Variants in SNTG1 observed in about 807,000 individuals in gnomAD.
SNTG1 encodes the protein syntrophin gamma 1, also known as gamma-1-syntrophin.
SNTG1 carries 39 observed loss-of-function variants against 74.7 expected under a neutral mutation model. That is an observed-to-expected ratio of 0.52 (90% CI 0.40 to 0.68). The LOEUF (loss-of-function observed/expected upper bound fraction) is 0.68. SNTG1 is among the 30% of genes least tolerant of loss of function. SNTG1 has a pLI of 0.00. For synonymous variants in SNTG1, 254 were observed against 217.1 expected (o/e 1.17, Z -1.49); for missense variants, 685 against 609.5 (o/e 1.12, Z -1.30).
At chr8:50,419,401 C>T (rs1030858875) in intron 4 of SNTG1, among the ~76,000 whole-genome samples, 1 of 152,156 alleles carries the variant, frequency 6.6e-6, no homozygotes, top group Non-Finnish European at 1.5e-5. Flanking sequence ...TTAGGGAAAT[C>T]ATAAATGGGA....
At chr8:50,435,445 G>C (rs184646718) in intron 4 of SNTG1, among the ~76,000 whole-genome samples, 1 of 152,236 alleles carries the variant, frequency 6.6e-6, no homozygotes, top group East Asian at 1.9e-4. Context: ...TATGAGCTGA[G>C]TATTTGAAAT....
intron 2 of SNTG1, among the ~76,000 whole-genome samples, chr8:50,317,532 A>G (rs1016534112): frequency 1.4e-4 from 22 of 152,342 alleles, no homozygotes; most frequent in African/African-American, 5.0e-4. Context: ...AATAGTCAGG[A>G]ATGAGACTGA....
intron 5 of SNTG1, among the ~76,000 whole-genome samples, chr8:50,447,991 T>A (rs541623850): frequency 5.9e-5 from 9 of 152,264 alleles, no homozygotes; most frequent in Middle Eastern, 6.8e-3. Context: ...GTGTGCTAAA[T>A]AAGCACTTGA....
chr8:50,730,697 T>C (rs1362750081), intron 17 of SNTG1, among the ~76,000 whole-genome samples: 2 of 152,300 alleles, frequency 1.3e-5, no homozygotes, highest in South Asian at 4.1e-4. Flanking sequence ...ATAAAAAGAA[T>C]TTTTAATGAA....
intron 1 of SNTG1, among the ~76,000 whole-genome samples, chr8:50,119,741 A>G (rs560536284): frequency 1.4e-5 from 2 of 141,792 alleles, no homozygotes; most frequent in African/African-American, 5.1e-5. Context: ...GACAATTACT[A>G]TACCCCTATC....
intron 2 of SNTG1, among the ~76,000 whole-genome samples, chr8:50,268,338 C>CTATAG (rs2087586709): frequency 6.6e-6 from 1 of 152,134 alleles, no homozygotes; most frequent in Admixed American, 6.5e-5. Context: ...GGTGCCAATT[C>CTATAG]ATTCTCAAAT....
chr8:50,427,841 T>C (rs1190851222), intron 4 of SNTG1, among the ~76,000 whole-genome samples: 7 of 152,246 alleles, frequency 4.6e-5, no homozygotes. Context: ...ATACAATTCA[T>C]TAGATGATTT....
At chr8:50,455,214 A>T (rs959789326) in intron 8 of SNTG1, among the ~76,000 whole-genome samples, 3 of 152,360 alleles carry the variant, frequency 2.0e-5, no homozygotes, top group Admixed American at 2.0e-4. Context: ...TGAAATTTCC[A>T]TCTAATGAGA....
At chr8:50,503,509 C>G (rs1182988887) in intron 9 of SNTG1, among the ~76,000 whole-genome samples, 1 of 152,170 alleles carries the variant, frequency 6.6e-6, no homozygotes, top group African/African-American at 2.4e-5. Flanking sequence ...CCACTTCTTA[C>G]AATCATAAAA....
At chr8:49,953,996 T>C (rs1378960796) in intron 1 of SNTG1, among the ~76,000 whole-genome samples, 2 of 152,214 alleles carry the variant, frequency 1.3e-5, no homozygotes. Flanking sequence ...GAAATTCCTT[T>C]ATTTCTTTAG....
At chr8:49,934,923 T>A (rs1437543747) in intron 1 of SNTG1, among the ~76,000 whole-genome samples, 1 of 152,022 alleles carries the variant, frequency 6.6e-6, no homozygotes, top group Non-Finnish European at 1.5e-5. Context: ...CTCTTTGAAT[T>A]TGTGAGGGAA....
At chr8:50,751,502 A>G (rs556032271) in intron 17 of SNTG1, among the ~76,000 whole-genome samples, 25 of 152,184 alleles carry the variant, frequency 1.6e-4, no homozygotes, top group Non-Finnish European at 2.8e-4. Context: ...TCTACTTTCC[A>G]AGATATTACA....
intron 9 of SNTG1, among the ~76,000 whole-genome samples, chr8:50,528,805 A>T (rs983750149): frequency 1.0e-4 from 15 of 146,326 alleles, no homozygotes; most frequent in South Asian, 2.1e-4. Context: ...TTTTTTCTAA[A>T]TTTTTTTTTT....
intron 1 of SNTG1, among the ~76,000 whole-genome samples, chr8:49,916,257 A>G (rs1021417817): frequency 6.6e-6 from 1 of 152,128 alleles, no homozygotes; most frequent in South Asian, 2.1e-4. Flanking sequence ...AACTGAGAGT[A>G]AGAGGTCATT....
intron 17 of SNTG1, among the ~76,000 whole-genome samples, chr8:50,723,226 T>A (rs1412326578): frequency 6.6e-6 from 1 of 152,164 alleles, no homozygotes; most frequent in Non-Finnish European, 1.5e-5. Flanking sequence ...AGGTTTTGGG[T>A]CAAATTCCAG....
chr8:50,063,412 A>C (rs1175727337), intron 1 of SNTG1, among the ~76,000 whole-genome samples: 1 of 152,242 alleles, frequency 6.6e-6, no homozygotes, highest in Non-Finnish European at 1.5e-5. Flanking sequence ...AATTATGAAG[A>C]GAATAAAACA....
intron 17 of SNTG1, among the ~76,000 whole-genome samples, chr8:50,728,720 A>T (rs1051755069): frequency 4.6e-5 from 7 of 152,174 alleles, no homozygotes; most frequent in Non-Finnish European, 8.8e-5. Context: ...TGACAGAGCC[A>T]GGCTGTTGTA....
chr8:50,793,046 C>T lies in SNTG1; in HGVS notation c.*217C>T. On this transcript the variant is annotated 3_prime_UTR_variant, in exon 19 of 19. Coordinates refer to ENST00000642720, the MANE Select transcript of SNTG1 (RefSeq NM_018967.5). ...ACATGAACAGAACAGCTTGTTCTCA[C>T]TCAGTTGCTTTGTACCAGTAAGTGT... 2.6e-6 allele frequency: 1 copy of T among 386,070 alleles called. No homozygotes were observed. Among genetic ancestry groups the T allele is most frequent in the Non-Finnish European group, 4.5e-6 (1 of 220,328 alleles). 23.9% of individuals were successfully genotyped at this position (386,070 alleles called of 1,614,324 possible).
At chr8:50,735,819 T>C (rs1305216524) in intron 17 of SNTG1, among the ~76,000 whole-genome samples, 2 of 151,808 alleles carry the variant, frequency 1.3e-5, no homozygotes, top group African/African-American at 2.4e-5. Context: ...CACATAATCA[T>C]CAGATTAACC....
Sources: gnomAD v4.1 joint callset for allele counts (sites outside exome capture counted in the v4.1 genomes callset) on GRCh38, gnomAD v4.1.1 for gene constraint, MANE v1.5 for transcripts, NCBI Gene and HGNC (gene_info 2026-07-23, HGNC 2026-07-21) for gene names.